The following GIT2 variants were observed in gnomAD, a reference collection of about 807,000 sequenced individuals.
GIT2 encodes ARF GTPase-activating protein GIT2.
Under a neutral mutation model 100.3 loss-of-function variants are expected in GIT2, and 32 were observed. The observed-to-expected ratio is 0.32, with a 90% CI of 0.24 to 0.43. GIT2 has a LOEUF of 0.43. GIT2 is among the 20% of genes least tolerant of loss of function. GIT2 has a pLI of 1.00. For missense variants in GIT2, 737 were observed against 975.1 expected, an observed-to-expected ratio of 0.76 and a Z score of 3.25; for synonymous variants, 353 against 364.1, an observed-to-expected ratio of 0.97 and a Z score of 0.35.
At chr12:109,998,244 G>A (rs570659051), upstream of GIT2, 1 of 152,368 alleles carries the variant, frequency 6.6e-6, no homozygotes, top group African/African-American at 2.4e-5. Context: ...GCATTCCATG[G>A]TTAGAGTCTC....
intron 14 of GIT2, among the ~76,000 whole-genome samples, chr12:109,949,628 T>G (rs1045206837): frequency 6.6e-6 from 1 of 152,238 alleles, no homozygotes; most frequent in African/African-American, 2.4e-5. Flanking sequence ...AAAGCACTTC[T>G]AAGAATTGAT....
At chr12:109,939,112 G>A (rs1294462914) in intron 17 of GIT2, 53 bp downstream of exon 17, 16 of 1,050,052 alleles carry the variant, frequency 1.5e-5, no homozygotes, top group South Asian at 8.8e-5. Flanking sequence ...AGGCCTGCCA[G>A]GTCTCTGGCC....
intron 14 of GIT2, 64 bp downstream of exon 14, chr12:109,951,103 T>G: frequency 1.1e-5 from 16 of 1,398,944 alleles, no homozygotes; most frequent in East Asian, 2.3e-5. Context: ...TCACAGTGCC[T>G]GAGATTCTTC....
chr12:109,942,064 A>G (rs1874907727), intron 16 of GIT2, among the ~76,000 whole-genome samples: 1 of 152,038 alleles, frequency 6.6e-6, no homozygotes, highest in Admixed American at 6.6e-5. Context: ...AGCTCAAGTG[A>G]TCCTCCAACT....
intron 1 of GIT2, among the ~76,000 whole-genome samples, chr12:109,992,339 G>A (rs924482655): frequency 2.6e-5 from 4 of 151,758 alleles, no homozygotes; most frequent in African/African-American, 9.7e-5. Flanking sequence ...CTGAGACGGG[G>A]ATTCATCATG....
rs1166021975 is a variant in GIT2 at position 109,932,509 on chromosome 12, T to G, written c.*469A>C. On this transcript the variant is annotated 3_prime_UTR_variant, in exon 20 of 20. Coordinates refer to ENST00000355312, the MANE Select transcript of GIT2 (RefSeq NM_057169.5). ...ATACATGCTTGGAGATACCCCAAAC[T>G]TAGAGATTATGAAGTAGGCCAGGAA... is the stretch of plus-strand genomic sequence containing the variant. 1 of 162,302 alleles carries G rather than the reference T, an allele frequency of 6.2e-6. No individual in the cohort carries two copies. The highest frequency in any genetic ancestry group is 1.3e-5 in the Non-Finnish European group (1 of 74,214). 10.1% of individuals were successfully genotyped at this position (162,302 alleles called of 1,614,324 possible). A position where few individuals can be genotyped will look rare whatever the true frequency, so the allele number is the denominator to read the frequency against.
intron 7 of GIT2, among the ~76,000 whole-genome samples, chr12:109,967,748 A>T (rs527850607): frequency 4.6e-5 from 7 of 152,276 alleles, no homozygotes; most frequent in Non-Finnish European, 1.5e-5. Context: ...CCCAATCACG[A>T]CGATTAGTTT....
intron 13 of GIT2, among the ~76,000 whole-genome samples, chr12:109,952,321 C>T (rs1878105581): frequency 6.6e-6 from 1 of 152,130 alleles, no homozygotes; most frequent in South Asian, 2.1e-4. Flanking sequence ...GCCCTCTCCC[C>T]CAGCTCACAC....
At chr12:109,987,258 C>T (rs2136908164) in intron 4 of GIT2, among the ~76,000 whole-genome samples, 2 of 151,530 alleles carry the variant, frequency 1.3e-5, no homozygotes, top group East Asian at 3.9e-4. Flanking sequence ...GTGGTGGGCA[C>T]CTGTAGTCCC....
rs1161574335 is a variant in GIT2, at chr12:109,938,376, T to C, written c.2003+4A>G. 1.2e-6 allele frequency: 2 copies of C among 1,609,384 alleles called. No individual in the cohort carries two copies. The highest frequency in any genetic ancestry group is 2.2e-5 in the South Asian group (2 of 90,542). ...CCCAAAGCAGGGTCTTCAATCCTGC[T>C]TACCTGTCATGTTTATTTTCTTGGG... On this transcript the variant is annotated splice_donor_region_variant and intron_variant, in intron 18 of 19. Coordinates refer to ENST00000355312, the MANE Select transcript of GIT2 (RefSeq NM_057169.5).
At chr12:109,961,592 G>C (rs761997601) in intron 10 of GIT2, 21 bp downstream of exon 10, 2 of 1,515,896 alleles carry the variant, frequency 1.3e-6, no homozygotes, top group African/African-American at 2.7e-5. Flanking sequence ...AAGCTTATTA[G>C]ATAAAGCCAC....
At chr12:109,939,139 C>A in intron 17 of GIT2, 26 bp downstream of exon 17, 1 of 1,494,304 alleles carries the variant, frequency 6.7e-7, no homozygotes, top group Non-Finnish European at 9.3e-7. Flanking sequence ...AGCCCCTCCC[C>A]TGGCACGCTC....
At chr12:109,960,561 A>G (rs1229705546) in intron 11 of GIT2, among the ~76,000 whole-genome samples, 1 of 152,220 alleles carries the variant, frequency 6.6e-6, no homozygotes, top group Non-Finnish European at 1.5e-5. Flanking sequence ...AGCCTGGACA[A>G]CAGAGCAAGA....
chr12:109,985,541 C>A (rs1354939988), intron 4 of GIT2, among the ~76,000 whole-genome samples: 1 of 152,088 alleles, frequency 6.6e-6, no homozygotes, highest in Non-Finnish European at 1.5e-5. Context: ...CATGGTGAAA[C>A]CCCATCTCTC....
intron 4 of GIT2, 78 bp downstream of exon 4, chr12:109,988,885 C>CT (rs1189265902): frequency 6.2e-5 from 30 of 483,386 alleles, no homozygotes; most frequent in Non-Finnish European, 7.8e-5. Context: ...CACAACCAGA[C>CT]TTTTTTTTCG....
chr12:109,988,751 G>T (rs962171510), intron 4 of GIT2, among the ~76,000 whole-genome samples: 1 of 151,354 alleles, frequency 6.6e-6, no homozygotes, highest in Non-Finnish European at 1.5e-5. Flanking sequence ...TACCTAGGAG[G>T]CTGAGGCAGG....
At chr12:109,990,929 A>C (rs144595975) in intron 2 of GIT2, among the ~76,000 whole-genome samples, 1 of 152,382 alleles carries the variant, frequency 6.6e-6, no homozygotes, top group African/African-American at 2.4e-5. Context: ...TGTTCTAAAA[A>C]TATTAGCAGG....
chr12:109,967,548 T>C lies in GIT2; in HGVS notation c.719-45A>G, dbSNP rs758649808. On this transcript the variant is annotated intron_variant, in intron 7 of 19. Transcript: ENST00000355312. ...AAAGTTTTGTTCATAGAAATGTTGA[T>C]AAGATCTGTAAAGGAACATCACCAT... The C allele has an allele frequency of 4.2e-5, 54 of 1,276,748 alleles. No individual in the cohort carries two copies. The South Asian group carries it at 5.2e-4, about 12-fold the overall frequency. The allele number at this position is 1,276,748 out of a possible 1,614,324, so 79.1% of individuals were successfully genotyped here. A position where few individuals can be genotyped will look rare whatever the true frequency, so the allele number is the denominator to read the frequency against.
At chr12:109,968,850 T>C (rs9634316) in intron 7 of GIT2, among the ~76,000 whole-genome samples, 1 of 151,986 alleles carries the variant, frequency 6.6e-6, no homozygotes, top group Non-Finnish European at 1.5e-5. Context: ...GCCACCTGAG[T>C]AGCCAGGACT....
Sources: allele counts gnomAD v4.1 joint callset (sites outside exome capture counted in the v4.1 genomes callset), GRCh38; gene constraint gnomAD v4.1.1; transcripts MANE v1.5; gene names NCBI Gene and HGNC (gene_info 2026-07-23, HGNC 2026-07-21).